The following ADAMTS14 variants were observed in gnomAD, a reference collection of about 807,000 sequenced individuals.
The protein encoded by ADAMTS14 is ADAM metallopeptidase with thrombospondin type 1 motif 14.
Under a neutral mutation model 128.6 loss-of-function variants are expected in ADAMTS14, and 100 were observed. The ratio of observed to expected loss-of-function variants is 0.78; its 90% CI spans 0.66 to 0.92. The LOEUF is 0.92. ADAMTS14 is among the 40% of genes least tolerant of loss of function. ADAMTS14 has a pLI of 0.00. For missense variants in ADAMTS14, 1,562 were observed against 1,658.6 expected (o/e 0.94, Z 1.01); for synonymous variants, 665 against 653.8 (o/e 1.02, Z -0.26).
In ADAMTS14 at chr10:70,689,046, A is replaced by G. The variant is rs1331197393; in HGVS notation, c.523-13266A>G. Among the ~76,000 whole-genome samples the G allele has an allele frequency of 1.1e-4, 12 of 107,246 alleles. 2 individuals are homozygous for G. The highest frequency in any genetic ancestry group is 2.8e-4 in the African/African-American group (10 of 36,324). The allele number at this position is 107,246 out of a possible 152,430, so 70.4% of individuals were successfully genotyped here. Reference sequence around the variant, plus strand: ...TGAGGCTGGCAGGGGCCCACACTCTATGAGTTAGCTCCTCCAGCCTGAAGA... The same window carrying G: ...TGAGGCTGGCAGGGGCCCACACTCTGTGAGTTAGCTCCTCCAGCCTGAAGA... On this transcript the variant is annotated intron_variant, in intron 2 of 21. Coordinates refer to ENST00000373207, the MANE Select transcript of ADAMTS14 (RefSeq NM_080722.4).
At chr10:70,717,076 A>G (rs958584964) in intron 4 of ADAMTS14, among the ~76,000 whole-genome samples, 2 of 152,234 alleles carry the variant, frequency 1.3e-5, no homozygotes, top group Non-Finnish European at 2.9e-5. Context: ...CTAGAGAACC[A>G]TTTGAGCACT....
chr10:70,722,890 G>A (rs878978301), intron 4 of ADAMTS14, among the ~76,000 whole-genome samples: 2 of 152,204 alleles, frequency 1.3e-5, no homozygotes, highest in Non-Finnish European at 2.9e-5. Flanking sequence ...TAGAGACTCC[G>A]TCTTCAAGGA....
chr10:70,673,825 A>G (rs1255622332), intron 1 of ADAMTS14, among the ~76,000 whole-genome samples: 1 of 152,080 alleles, frequency 6.6e-6, no homozygotes, highest in Non-Finnish European at 1.5e-5. Context: ...CTGCGTGAGG[A>G]TGGGCCTGCT....
Position 70,751,468 on chromosome 10 carries a change from C to T in ADAMTS14, c.2428-10C>T, listed in dbSNP as rs773329607. Reference sequence around the variant, plus strand: ...CTCTGGTCCTGTGCCAGCTCCCCATCTCCCCTCAGGCTCTCCCCCCAACTG... The same window carrying T: ...CTCTGGTCCTGTGCCAGCTCCCCATTTCCCCTCAGGCTCTCCCCCCAACTG... On this transcript the variant is annotated splice_polypyrimidine_tract_variant and intron_variant, in intron 16 of 21. Transcript: ENST00000373207. 10 of 1,595,844 alleles carry T rather than the reference C, an allele frequency of 6.3e-6. No individual in the cohort carries two copies. The African/African-American group carries it at 6.7e-5, about 11-fold the overall frequency.
chr10:70,749,951 C>T lies in ADAMTS14; in HGVS notation c.2393C>T (p.Thr798Ile), dbSNP rs747640034. ...GAGGATGCCAAGGAAAGCCTCAAGA[C>T]CAGCGGGCCCCTGCCTGAAGCCATT... ...AVEDAKESLKTSGPLPEAIAI... is the reference protein window; with the variant it reads ...AVEDAKESLKISGPLPEAIAI... The change falls in exon 16 of 22, where the codon ACC (threonine) becomes ATC (isoleucine). Residue 798 changes from threonine (T) to isoleucine (I), a missense_variant. By Grantham distance (89) the Thr-to-Ile change is moderately conservative (BLOSUM62 -1). Coordinates refer to ENST00000373207, the MANE Select transcript of ADAMTS14 (RefSeq NM_080722.4). 1.2e-6 allele frequency: 2 copies of T among 1,614,020 alleles called. No individual in the cohort carries two copies. Among genetic ancestry groups the T allele is most frequent in the African/African-American group, 1.3e-5 (1 of 74,924 alleles).
intron 4 of ADAMTS14, among the ~76,000 whole-genome samples, chr10:70,719,060 G>T (rs933213652): frequency 6.6e-6 from 1 of 152,060 alleles, no homozygotes; most frequent in Non-Finnish European, 1.5e-5. Flanking sequence ...ATCACAGCTA[G>T]AGGGGATGGG....
In ADAMTS14 at chr10:70,752,153, A is replaced by T; in HGVS notation, c.2655A>T (p.Arg885=). The T allele has an allele frequency of 1.9e-6, 3 of 1,613,478 alleles. No homozygotes were observed. In the South Asian group the frequency reaches 3.3e-5, roughly 18 times the overall value. The change falls in exon 18 of 22, where the codon CGA becomes CGT. Residue 885 remains arginine, a synonymous_variant. Transcript: ENST00000373207. ...RRRRDHHMVQ[R]HLCDHKKRPK... is the part of the protein sequence containing the mutation. Reference sequence around the variant, plus strand: ...GACGAGACCACCACATGGTGCAGCGACACCTGTGTGACCACAAGAAGAGGC... The same window carrying T: ...GACGAGACCACCACATGGTGCAGCGTCACCTGTGTGACCACAAGAAGAGGC...
intron 4 of ADAMTS14, among the ~76,000 whole-genome samples, chr10:70,714,968 A>AAG (rs1554818386): frequency 3.7e-4 from 49 of 132,430 alleles, no homozygotes; most frequent in South Asian, 9.6e-4. Flanking sequence ...AAAAAAAAAA[A>AAG]AAAAGAAACA....
chr10:70,695,200 G>T (rs1439745046), intron 2 of ADAMTS14, among the ~76,000 whole-genome samples: 1 of 152,228 alleles, frequency 6.6e-6, no homozygotes, highest in East Asian at 1.9e-4. Context: ...TTTAAAACTG[G>T]GTTGTCTTTT....
chr10:70,748,741 T>A (rs1396710910), intron 15 of ADAMTS14, among the ~76,000 whole-genome samples: 1 of 152,224 alleles, frequency 6.6e-6, no homozygotes, highest in Non-Finnish European at 1.5e-5. Context: ...TGTTCTCGGA[T>A]CCTTAGCTCT....
chr10:70,692,133 C>T (rs543526748), intron 2 of ADAMTS14, among the ~76,000 whole-genome samples: 5 of 152,092 alleles, frequency 3.3e-5, no homozygotes, highest in Admixed American at 6.5e-5. Flanking sequence ...GGGAGGTCGC[C>T]GTAGTTTTGT....
In ADAMTS14 at chr10:70,743,627, G is replaced by A. The variant is rs746862537; in HGVS notation, c.2004G>A (p.Gly668=). 1.9e-6 allele frequency: 3 copies of A among 1,612,388 alleles called. No individual in the cohort carries two copies. The highest frequency in any genetic ancestry group is 2.2e-5 in the East Asian group (1 of 44,812). ...TCATGAACCAGGTGGTTCACGATGG[G>A]ACACGCTGCAGCTACCGGGACCCAT... ...VVFMNQVVHD[G]TRCSYRDPYS... The change falls in exon 13 of 22, where the codon GGG becomes GGA. Residue 668 remains glycine (G), a synonymous_variant. Transcript: ENST00000373207.
chr10:70,757,852 C>T lies in ADAMTS14; in HGVS notation c.2938-110C>T, dbSNP rs938914352. On this transcript the variant is annotated intron_variant, in intron 19 of 21. Coordinates refer to ENST00000373207, the MANE Select transcript of ADAMTS14 (RefSeq NM_080722.4). ...GAAGACTTGGTGCTCTCCTTTGTAC[C>T]CTTTCTGTCCCCGGGCACTGGCTGG... 39 of 1,461,734 alleles carry T rather than the reference C, an allele frequency of 2.7e-5. No individual in the cohort carries two copies. The African/African-American group carries it at 5.1e-4, about 19-fold the overall frequency. The allele number at this position is 1,461,734 out of a possible 1,614,324, so 90.5% of individuals were successfully genotyped here. A position where few individuals can be genotyped will look rare whatever the true frequency, so the allele number is the denominator to read the frequency against.
chr10:70,717,505 T>C (rs10999480), intron 4 of ADAMTS14, among the ~76,000 whole-genome samples: 67,114 of 151,782 alleles, frequency 0.44, 16,300 homozygotes, highest in Non-Finnish European at 0.55. Context: ...AAGGCAGCAG[T>C]ATGGACTGTG....
chr10:70,711,321 T>A (rs921826269), intron 4 of ADAMTS14, among the ~76,000 whole-genome samples: 2 of 152,130 alleles, frequency 1.3e-5, no homozygotes, highest in East Asian at 3.9e-4. Context: ...AGGCAAAATC[T>A]CCCGAAGCAG....
At chr10:70,675,130 C>G in intron 2 of ADAMTS14, 135 bp downstream of exon 2, 2 of 1,093,152 alleles carry the variant, frequency 1.8e-6, no homozygotes, top group South Asian at 1.5e-5. Flanking sequence ...GGGAGTGCCG[C>G]CTGCCCCCGC....
At chr10:70,736,840 C>A in intron 10 of ADAMTS14, 47 bp downstream of exon 10, 1 of 1,545,210 alleles carries the variant, frequency 6.5e-7, no homozygotes, top group Non-Finnish European at 8.9e-7. Flanking sequence ...GGGTGCAGGG[C>A]ATCCATCACT....
intron 6 of ADAMTS14, 31 bp downstream of exon 6, chr10:70,730,280 GGT>G: frequency 6.2e-7 from 1 of 1,603,842 alleles, no homozygotes; most frequent in Non-Finnish European, 8.5e-7. Flanking sequence ...GCCATGGCCA[GGT>G]GTGTGCAGCA....
intron 2 of ADAMTS14, among the ~76,000 whole-genome samples, chr10:70,687,267 C>A (rs1255010374): frequency 9.1e-6 from 1 of 109,898 alleles, no homozygotes; most frequent in Non-Finnish European, 2.0e-5. Flanking sequence ...CCGGACGAGG[C>A]GGCTGGCCGG....
Sources: allele counts gnomAD v4.1 joint callset (sites outside exome capture counted in the v4.1 genomes callset), GRCh38; gene constraint gnomAD v4.1.1; transcripts MANE v1.5; gene names NCBI Gene and HGNC (gene_info 2026-07-23, HGNC 2026-07-21).